The following RBFOX1 variants were observed in gnomAD, a reference collection of about 807,000 sequenced individuals.
RBFOX1 encodes RNA binding protein fox-1 homolog 1.
A neutral mutation model predicts 57.7 loss-of-function variants in RBFOX1; 8 were observed. The observed-to-expected ratio is 0.14, with a 90% CI of 0.08 to 0.25. RBFOX1 has a LOEUF of 0.25. RBFOX1 is among the 10% of genes least tolerant of loss of function. The pLI is 1.00. For missense variants in RBFOX1, 611 were observed against 548.5 expected (o/e 1.11, Z -1.14); for synonymous variants, 326 against 222.4 (o/e 1.47, Z -4.15).
intron 2 of RBFOX1, among the ~76,000 whole-genome samples, chr16:5,559,708 T>C (rs898809721): frequency 6.6e-6 from 1 of 152,212 alleles, no homozygotes; most frequent in Non-Finnish European, 1.5e-5. Flanking sequence ...CCAAATCTCT[T>C]TCTTCCTAGG....
At chr16:7,607,360 G>T (rs775369272) in intron 10 of RBFOX1, 22 bp downstream of exon 10, 4 of 1,604,684 alleles carry the variant, frequency 2.5e-6, no homozygotes, top group Non-Finnish European at 3.4e-6. Context: ...CTCTTTGCAC[G>T]AAGTCTTCTC....
intron 1 of RBFOX1, among the ~76,000 whole-genome samples, chr16:6,186,324 G>A (rs1012504112): frequency 1.3e-5 from 2 of 152,148 alleles, no homozygotes. Flanking sequence ...AGGGAATTTG[G>A]AGTGAGTTTG....
At chr16:5,246,663 T>A (rs1385358615) in intron 1 of RBFOX1, among the ~76,000 whole-genome samples, 1 of 151,700 alleles carries the variant, frequency 6.6e-6, no homozygotes, top group Non-Finnish European at 1.5e-5. Context: ...AACTTTTTAA[T>A]TTTCTTTTTC....
intron 2 of RBFOX1, among the ~76,000 whole-genome samples, chr16:5,482,192 T>A (rs4412971): frequency 1.4e-4 from 22 of 152,062 alleles, no homozygotes; most frequent in Admixed American, 3.3e-4. Flanking sequence ...TTGTAAGACC[T>A]TTTGTTCCAG....
intron 3 of RBFOX1, among the ~76,000 whole-genome samples, chr16:7,011,638 A>G (rs1463124548): frequency 6.6e-6 from 1 of 152,004 alleles, no homozygotes; most frequent in Non-Finnish European, 1.5e-5. Context: ...CTCAGCCTTC[A>G]AAGTACCTGG....
chr16:5,701,275 A>T (rs182922550), intron 3 of RBFOX1, among the ~76,000 whole-genome samples: 39 of 152,364 alleles, frequency 2.6e-4, no homozygotes, highest in African/African-American at 9.4e-4. Flanking sequence ...ACAGCATAAC[A>T]GGTTATGAAG....
At chr16:6,642,103 T>A (rs1313493266) in intron 2 of RBFOX1, among the ~76,000 whole-genome samples, 2 of 151,946 alleles carry the variant, frequency 1.3e-5, no homozygotes, top group Non-Finnish European at 2.9e-5. Context: ...GGTGCTGGGG[T>A]CTGAGAGAAA....
At chr16:7,368,622 CAA>C (rs1178723833) in intron 4 of RBFOX1, among the ~76,000 whole-genome samples, 31 of 150,796 alleles carry the variant, frequency 2.1e-4, no homozygotes, top group African/African-American at 6.6e-4. Context: ...ACTAAAAATA[CAA>C]AAAAAATTAG....
intron 1 of RBFOX1, among the ~76,000 whole-genome samples, chr16:6,240,919 C>G (rs538758096): frequency 2.0e-5 from 3 of 152,314 alleles, no homozygotes; most frequent in South Asian, 2.1e-4. Context: ...GTTCACTGTA[C>G]TCTGTGACAT....
In RBFOX1 at chr16:6,793,008, G is replaced by A. The variant is rs149835225; in HGVS notation, c.-16+138358G>A. On this transcript the variant is annotated intron_variant, in intron 3 of 15. Coordinates refer to ENST00000550418, the MANE Select transcript of RBFOX1 (RefSeq NM_018723.4). ...TGCATCACTGCACTGCAGGCTGGGC[G>A]ACAGAGTGAGACTCCATCTGAAAAA... Among the ~76,000 whole-genome samples, 843 of 147,650 alleles carry A rather than the reference G, an allele frequency of 5.7e-3. 5 individuals are homozygous for A. The highest frequency in any genetic ancestry group is 9.0e-3 in the Admixed American group (132 of 14,684).
In RBFOX1 at chr16:6,765,045, C is replaced by T. The variant is rs190356624; in HGVS notation, c.-16+110395C>T. ...TCAGAAAAAAAAAAATTCATGGTGA[C>T]ATGAAATTTAAGCAGAAATCTAAAG... On this transcript the variant is annotated intron_variant, in intron 3 of 15. Transcript: ENST00000550418. Among the ~76,000 whole-genome samples, 5 of 151,952 alleles carry T rather than the reference C, an allele frequency of 3.3e-5. No individual in the cohort carries two copies. In the East Asian group the frequency reaches 9.7e-4, roughly 29 times the overall value.
intron 3 of RBFOX1, among the ~76,000 whole-genome samples, chr16:7,014,693 G>A (rs2093818911): frequency 6.6e-6 from 1 of 151,996 alleles, no homozygotes; most frequent in Non-Finnish European, 1.5e-5. Context: ...TTGAGTGAGA[G>A]AGAGTGGATG....
intron 3 of RBFOX1, among the ~76,000 whole-genome samples, chr16:6,830,068 C>T (rs894315826): frequency 6.6e-6 from 1 of 152,054 alleles, no homozygotes; most frequent in African/African-American, 2.4e-5. Context: ...AGGCACACAC[C>T]ACCAAGCCTG....
At chr16:5,715,179 C>A (rs2051645515) in intron 3 of RBFOX1, among the ~76,000 whole-genome samples, 2 of 152,176 alleles carry the variant, frequency 1.3e-5, no homozygotes, top group African/African-American at 4.8e-5. Flanking sequence ...TTGTTACAAA[C>A]AAGATAATAT....
At chr16:7,684,569 C>T (rs2075648302) in intron 14 of RBFOX1, among the ~76,000 whole-genome samples, 1 of 151,594 alleles carries the variant, frequency 6.6e-6, no homozygotes, top group African/African-American at 2.4e-5. Context: ...ATATGCCACA[C>T]ATATGATAAG....
chr16:5,276,405 C>T (rs1323581162), intron 1 of RBFOX1, among the ~76,000 whole-genome samples: 1 of 152,086 alleles, frequency 6.6e-6, no homozygotes, highest in Non-Finnish European at 1.5e-5. Context: ...ACACAAATGG[C>T]CAACAAACAT....
chr16:5,697,489 T>G (rs1208340395), intron 3 of RBFOX1, among the ~76,000 whole-genome samples: 1 of 150,904 alleles, frequency 6.6e-6, no homozygotes, highest in Admixed American at 6.6e-5. Flanking sequence ...AAGAGAACAA[T>G]GATGAATAAA....
chr16:6,617,019 G>A (rs868119172), intron 2 of RBFOX1, among the ~76,000 whole-genome samples: 1 of 152,088 alleles, frequency 6.6e-6, no homozygotes, highest in African/African-American at 2.4e-5. Context: ...CTGCTTCTTT[G>A]TAGGAAAAGT....
chr16:6,135,439 G>A (rs1024372892), intron 1 of RBFOX1, among the ~76,000 whole-genome samples: 1 of 152,134 alleles, frequency 6.6e-6, no homozygotes, highest in Admixed American at 6.6e-5. Flanking sequence ...GAGGAAGAGT[G>A]GTGGGAGTGT....
Sources: allele counts gnomAD v4.1 joint callset (sites outside exome capture counted in the v4.1 genomes callset), GRCh38; gene constraint gnomAD v4.1.1; transcripts MANE v1.5; gene names NCBI Gene and HGNC (gene_info 2026-07-23, HGNC 2026-07-21).